Variants in NEB observed in about 807,000 individuals in gnomAD.
NEB encodes the protein nebulin, also known as nemaline myopathy type 2.
NEB carries 512 observed loss-of-function variants against 952.2 expected under a neutral mutation model. The ratio of observed to expected loss-of-function variants is 0.54; its 90% CI spans 0.50 to 0.58. NEB has a LOEUF of 0.58. Ranked by LOEUF, NEB falls within the 20% of genes least tolerant of loss-of-function variation. The pLI, the probability that NEB is intolerant of heterozygous loss-of-function variation, is 0.00. For missense variants in NEB, 8,428 were observed against 9,231.1 expected (o/e 0.91, Z 3.56); for synonymous variants, 2,900 against 3,149.8 (o/e 0.92, Z 2.66).
chr2:151,693,864 C>T (rs187974537), intron 20 of NEB, among the ~76,000 whole-genome samples: 1,522 of 151,972 alleles, frequency 0.01, 13 homozygotes, highest in Non-Finnish European at 0.014. Flanking sequence ...AAATAAAATG[C>T]TTTGCTTTTG....
Position 151,733,255 on chromosome 2 carries a change from T to C in NEB, c.-29-70A>G, listed in dbSNP as rs2099813282. On this transcript the variant is annotated intron_variant, in intron 2 of 181. Coordinates refer to ENST00000397345, the MANE Select transcript of NEB (RefSeq NM_001164508.2). Reference sequence around the variant, plus strand: ...CAGCACAGAAATTATCTTATGACATTATAAAAATAGAATTTGAAGCTAAAC... The same window carrying C: ...CAGCACAGAAATTATCTTATGACATCATAAAAATAGAATTTGAAGCTAAAC... The C allele has an allele frequency of 1.3e-5, 14 of 1,102,560 alleles. No homozygotes were observed. In the South Asian group the frequency reaches 1.9e-4, roughly 15 times the overall value. The allele number at this position is 1,102,560 out of a possible 1,614,324, so 68.3% of individuals were successfully genotyped here.
At position 151,569,542 on chromosome 2, in the gene NEB, G is replaced by A. The variant is rs184691199; in HGVS notation, c.17431-170C>T. Among the ~76,000 whole-genome samples, 311 of 152,272 alleles carry A rather than the reference G, an allele frequency of 2.0e-3. 2 individuals are homozygous for A. The highest frequency in any genetic ancestry group is 7.0e-3 in the African/African-American group (292 of 41,558). ...AAAATTAATTAGGCGGCCAGGCAGT[G>A]TGACAAACGATAGCATATATTTTTA... is the stretch of plus-strand genomic sequence containing the variant. On this transcript the variant is annotated intron_variant, in intron 109 of 181. Coordinates refer to ENST00000397345, the MANE Select transcript of NEB (RefSeq NM_001164508.2).
intron 168 of NEB, among the ~76,000 whole-genome samples, chr2:151,499,838 A>G (rs2063092943): frequency 6.6e-6 from 1 of 152,202 alleles, no homozygotes. Flanking sequence ...GTTGTTGTAG[A>G]GATGGTCAAG....
chr2:151,716,130 C>CTT (rs762939015), intron 10 of NEB: 124 of 365,340 alleles, frequency 3.4e-4, no homozygotes, highest in South Asian at 8.1e-4. Flanking sequence ...CACTTTCTTT[C>CTT]TTTTTTTTTT....
intron 17 of NEB, 57 bp from the exon 18 acceptor site, chr2:151,695,739 C>T: frequency 7.6e-7 from 1 of 1,311,342 alleles, no homozygotes; most frequent in Non-Finnish European, 1.1e-6. Flanking sequence ...TACAAAAATT[C>T]TTGTGTGGTA....
At chr2:151,640,748 T>TA (rs888424257) in intron 60 of NEB, 82 bp from the exon 61 acceptor site, 1,481 of 1,337,426 alleles carry the variant, frequency 1.1e-3, no homozygotes, top group Non-Finnish European at 1.3e-3. Flanking sequence ...CTCTATTTAT[T>TA]AAAAAAAAAA....
chr2:151,632,618 G>A lies in NEB; in HGVS notation c.9414+1036C>T, dbSNP rs2098691581. ...TTGAACCCGGGAGGCGAAGGTTGCA[G>A]TAATCCGAGATCGCGCCACTGCACT... On this transcript the variant is annotated intron_variant, in intron 65 of 181. Transcript: ENST00000397345. Among the ~76,000 whole-genome samples the A allele has an allele frequency of 2.0e-5, 3 of 148,176 alleles. No individual in the cohort carries two copies. The Admixed American group carries it at 2.0e-4, about 10-fold the overall frequency.
At chr2:151,624,121 T>G (rs2098472135) in intron 71 of NEB, among the ~76,000 whole-genome samples, 1 of 152,198 alleles carries the variant, frequency 6.6e-6, no homozygotes, top group African/African-American at 2.4e-5. Flanking sequence ...AATGTGATCT[T>G]AGATTCCTCA....
chr2:151,679,482 T>A (rs1468892650), intron 32 of NEB, among the ~76,000 whole-genome samples: 2 of 152,222 alleles, frequency 1.3e-5, no homozygotes, highest in Non-Finnish European at 2.9e-5. Flanking sequence ...AGTGTAGAAC[T>A]ATACATGAGA....
At position 151,562,775 on chromosome 2, in the gene NEB, C is replaced by G. The variant is rs776382902; in HGVS notation, c.18727G>C (p.Ala6243Pro). 1 of 1,585,232 alleles carries G rather than the reference C, an allele frequency of 6.3e-7. No individual in the cohort carries two copies. The highest frequency in any genetic ancestry group is 1.2e-5 in the South Asian group (1 of 86,926). ...NYRKHYEDTK[A>P]NVHIPNDMMN... ...ATGTCATTGGGGATATGAACATTTG[C>G]TTTGGTATCCTCATAATGTTTTCTG... Residue 6243 changes from alanine to proline, a missense_variant, in exon 120 of 182, where the codon GCA becomes CCA. Coordinates refer to ENST00000397345, the MANE Select transcript of NEB (RefSeq NM_001164508.2).
chr2:151,644,113 C>G lies in NEB; in HGVS notation c.7661G>C (p.Gly2554Ala). The G allele has an allele frequency of 6.2e-7, 1 of 1,613,820 alleles. No homozygotes were observed. The highest frequency in any genetic ancestry group is 1.1e-5 in the South Asian group (1 of 91,078). Residue 2554 changes from glycine (G) to alanine (A), a missense_variant, in exon 57 of 182, where the codon GGC becomes GCC. Coordinates refer to ENST00000397345, the MANE Select transcript of NEB (RefSeq NM_001164508.2). ...GTGGTGGCCGAGCTGCTTGCGAAAG[C>G]CTTCCTTGTACTTGTACTAGAGAAA... ...EIASEYKYKE[G>A]FRKQLGHHIG...
intron 62 of NEB, 149 bp from the exon 63 acceptor site, chr2:151,639,533 G>T: frequency 1.7e-6 from 1 of 594,574 alleles, no homozygotes; most frequent in South Asian, 3.1e-5. Flanking sequence ...CGGGTAATAA[G>T]TTCATAAAGG....
Position 151,704,939 on chromosome 2 carries a change from G to T in NEB, c.1152+1942C>A, listed in dbSNP as rs1157103706. Among the ~76,000 whole-genome samples, 4 of 152,174 alleles carry T rather than the reference G, an allele frequency of 2.6e-5. No individual in the cohort carries two copies. In the East Asian group the frequency reaches 5.8e-4, roughly 22 times the overall value. On this transcript the variant is annotated intron_variant, in intron 13 of 181. Coordinates refer to ENST00000397345, the MANE Select transcript of NEB (RefSeq NM_001164508.2). ...TATGCCACCTCTGACCACGTCCTTA[G>T]TAGCAGAGATTCTTGTGTATTTGTA...
At position 151,696,527 on chromosome 2, in the gene NEB, ATACT is replaced by A. The variant is rs755866825; in HGVS notation, c.1569+106_1569+109del. On this transcript the variant is annotated intron_variant, in intron 17 of 181. Transcript: ENST00000397345. The stretch of plus-strand genomic sequence containing the variant: ...AAATGTATACTGTTTAAACTTGCTA[ATACT>A]TACTTAGCCTTTTGAATAAACTTGA... 4.3e-5 allele frequency: 35 copies of A among 806,310 alleles called. 1 individual carries two copies. The highest frequency in any genetic ancestry group is 3.2e-4 in the South Asian group (19 of 59,942). The allele number at this position is 806,310 out of a possible 1,614,324, so 49.9% of individuals were successfully genotyped here.
At position 151,519,792 on chromosome 2, in the gene NEB, A is replaced by G. The variant is rs781093467; in HGVS notation, c.22480-24T>C. 112 of 1,465,786 alleles carry G rather than the reference A, an allele frequency of 7.6e-5. No homozygotes were observed. In the South Asian group the frequency reaches 1.1e-3, roughly 14 times the overall value. 90.8% of individuals were successfully genotyped at this position (1,465,786 alleles called of 1,614,324 possible). A position where few individuals can be genotyped will look rare whatever the true frequency, so the allele number is the denominator to read the frequency against. The stretch of plus-strand genomic sequence containing the variant: ...ACCTAACAGCAAATGCAAACATCCA[A>G]ATTATTCCTGGACATCAATCAATTT... On this transcript the variant is annotated intron_variant, in intron 153 of 181. Transcript: ENST00000397345.
At chr2:151,610,236 C>T (rs2097897879) in intron 80 of NEB, 116 bp from the exon 81 acceptor site, 12 of 861,974 alleles carry the variant, frequency 1.4e-5, no homozygotes, top group Admixed American at 2.9e-5. Flanking sequence ...TTTGGCATCT[C>T]TGAACTATTA....
At chr2:151,686,409 G>A (rs1253274411) in intron 27 of NEB, among the ~76,000 whole-genome samples, 1 of 151,992 alleles carries the variant, frequency 6.6e-6, no homozygotes, top group Non-Finnish European at 1.5e-5. Flanking sequence ...TCTGTGATAG[G>A]AATAAAAACA....
intron 18 of NEB, among the ~76,000 whole-genome samples, chr2:151,695,309 T>G (rs972698439): frequency 7.2e-5 from 11 of 152,204 alleles, no homozygotes; most frequent in African/African-American, 2.7e-4. Flanking sequence ...AATTTGCAAT[T>G]AAGCATACAT....
rs377381673 is a variant in NEB at position 151,548,266 on chromosome 2, T to C, written c.20157+42A>G. On this transcript the variant is annotated intron_variant, in intron 131 of 181. Coordinates refer to ENST00000397345, the MANE Select transcript of NEB (RefSeq NM_001164508.2). ...TGCATTTCAAACAAAGCCATGGCTA[T>C]TGAAACTCAATATGTCTCTTGGAGA... 36 of 1,477,282 alleles carry C rather than the reference T, an allele frequency of 2.4e-5. No individual in the cohort carries two copies. In the African/African-American group the frequency reaches 3.7e-4, roughly 15 times the overall value. The allele number at this position is 1,477,282 out of a possible 1,614,324, so 91.5% of individuals were successfully genotyped here.
Sources: allele counts gnomAD v4.1 joint callset (sites outside exome capture counted in the v4.1 genomes callset), GRCh38; gene constraint gnomAD v4.1.1; transcripts MANE v1.5; gene names NCBI Gene and HGNC (gene_info 2026-07-23, HGNC 2026-07-21).